MEMO1: variants seen among roughly 807,000 people sequenced by gnomAD.
MEMO1 encodes the protein mediator of cell motility 1.
A neutral mutation model predicts 45.2 loss-of-function variants in MEMO1; 6 were observed. That is an observed-to-expected ratio of 0.13 (90% CI 0.07 to 0.26). The LOEUF (loss-of-function observed/expected upper bound fraction) is 0.26. MEMO1 is among the 10% of genes least tolerant of loss of function. MEMO1 has a pLI of 1.00. For synonymous variants in MEMO1, 78 were observed against 124.3 expected (o/e 0.63, Z 2.48); for missense variants, 184 against 370.5 (o/e 0.50, Z 4.13).
chr2:31,886,376 G>GTCA (rs1676190381), intron 7 of MEMO1, among the ~76,000 whole-genome samples: 1 of 152,214 alleles, frequency 6.6e-6, no homozygotes, highest in South Asian at 2.1e-4. Context: ...GTAAATAGTT[G>GTCA]TCATCATCAT....
intron 4 of MEMO1, chr2:31,923,692 A>T (rs1275916484): frequency 6.5e-7 from 1 of 1,548,546 alleles, no homozygotes. Context: ...ATATGAAAAG[A>T]CAGAGAGAAA....
At chr2:31,893,225 C>T (rs748547416) in intron 6 of MEMO1, 1 of 565,698 alleles carries the variant, frequency 1.8e-6, no homozygotes, top group South Asian at 3.4e-5. Context: ...AGCACCTCCC[C>T]CATAAGGCCC....
At chr2:31,872,181 T>C (rs962865824) in intron 8 of MEMO1, among the ~76,000 whole-genome samples, 1 of 152,160 alleles carries the variant, frequency 6.6e-6, no homozygotes, top group African/African-American at 2.4e-5. Flanking sequence ...GATCAAGATA[T>C]AACTCCCCTA....
intron 2 of MEMO1, among the ~76,000 whole-genome samples, chr2:31,980,447 T>C (rs1042761475): frequency 6.6e-6 from 1 of 152,048 alleles, no homozygotes; most frequent in Non-Finnish European, 1.5e-5. Flanking sequence ...AAAATAAATA[T>C]ATAATTTTTA....
At chr2:31,949,913 C>A (rs992095373) in intron 2 of MEMO1, among the ~76,000 whole-genome samples, 46 of 151,724 alleles carry the variant, frequency 3.0e-4, no homozygotes, top group Non-Finnish European at 5.9e-4. Flanking sequence ...CTGCTATGTA[C>A]CCGCAAAAAA....
At position 31,883,414 on chromosome 2, in the gene MEMO1, T is replaced by A; in HGVS notation, c.629A>T (p.Tyr210Phe). 1 of 1,588,878 alleles carries A rather than the reference T, an allele frequency of 6.3e-7. No individual in the cohort carries two copies. The highest frequency in any genetic ancestry group is 8.5e-7 in the Non-Finnish European group (1 of 1,169,762). The change falls in exon 8 of 10, where the codon TAT becomes TTT. Residue 210 changes from tyrosine to phenylalanine, a missense_variant. Transcript: ENST00000404530. ...SYYDESQGEI[Y>F]RSIEHLDKMG... Reference sequence around the variant, plus strand: ...TTTATCTAGATGTTCAATGGATCTATAAATCTCCCCCTGGGATTCATCATA... The same window carrying A: ...TTTATCTAGATGTTCAATGGATCTAAAAATCTCCCCCTGGGATTCATCATA...
At chr2:31,907,995 G>C (rs571446347) in intron 6 of MEMO1, among the ~76,000 whole-genome samples, 177 of 152,196 alleles carry the variant, frequency 1.2e-3, no homozygotes, top group Non-Finnish European at 2.2e-3. Flanking sequence ...TTCTTCAGAA[G>C]GTGGTAAAGT....
chr2:31,968,291 A>C (rs994001876), intron 2 of MEMO1, among the ~76,000 whole-genome samples: 2 of 152,234 alleles, frequency 1.3e-5, no homozygotes, highest in African/African-American at 4.8e-5. Context: ...AATAGGATGC[A>C]TCTGCAGATC....
chr2:31,993,945 C>CTTTT (rs1558562652), intron 2 of MEMO1, among the ~76,000 whole-genome samples: 39 of 124,606 alleles, frequency 3.1e-4, no homozygotes, highest in African/African-American at 1.1e-3. Context: ...ATCATCAATA[C>CTTTT]TTTCTTTTTT....
intron 6 of MEMO1, among the ~76,000 whole-genome samples, chr2:31,894,932 A>G (rs1336824483): frequency 6.6e-6 from 1 of 152,262 alleles, no homozygotes; most frequent in East Asian, 1.9e-4. Context: ...TTTCTGGCTC[A>G]AGGTGTTTAG....
intron 6 of MEMO1, among the ~76,000 whole-genome samples, chr2:31,897,362 A>G (rs935986470): frequency 2.0e-5 from 3 of 152,208 alleles, no homozygotes; most frequent in African/African-American, 7.2e-5. Context: ...TCTGTCATAA[A>G]TAGCTCTTAT....
chr2:31,979,638 G>A (rs1217228007), intron 2 of MEMO1, among the ~76,000 whole-genome samples: 2 of 152,076 alleles, frequency 1.3e-5, no homozygotes, highest in East Asian at 3.9e-4. Flanking sequence ...CAAATGTTAT[G>A]TAATTTTAAT....
intron 8 of MEMO1, among the ~76,000 whole-genome samples, chr2:31,878,816 A>G (rs1202915865): frequency 1.3e-5 from 2 of 150,706 alleles, no homozygotes; most frequent in East Asian, 2.0e-4. Context: ...TAATGACGGG[A>G]AAATTTACAT....
In MEMO1 at chr2:32,001,601, T is replaced by C. The variant is rs146838385; in HGVS notation, c.61+8586A>G. 3.7e-3 allele frequency among the ~76,000 whole-genome samples: 568 copies of C among 152,198 alleles called. 5 individuals carry two copies. The highest frequency in any genetic ancestry group is 0.013 in the African/African-American group (559 of 41,544). On this transcript the variant is annotated intron_variant, in intron 2 of 9. Transcript: ENST00000404530. Reference sequence around the variant, plus strand: ...TTCAGCCAGAAGTCCTGGGTTCAAATCTTAGCTCTGCAGTTTACCAGTTAC... The same window carrying C: ...TTCAGCCAGAAGTCCTGGGTTCAAACCTTAGCTCTGCAGTTTACCAGTTAC...
At chr2:31,948,822 T>G (rs767819692) in intron 2 of MEMO1, among the ~76,000 whole-genome samples, 18 of 152,254 alleles carry the variant, frequency 1.2e-4, no homozygotes, top group Admixed American at 2.6e-4. Context: ...TGAGATAATC[T>G]AAATCCTTTA....
Position 31,991,526 on chromosome 2 carries a change from G to A in MEMO1, c.61+18661C>T, listed in dbSNP as rs868218553. On this transcript the variant is annotated intron_variant, in intron 2 of 9. Transcript: ENST00000404530. ...GTGGAGGTTGCAGTGAGCCAAGATC[G>A]CCCCATTGTACCCCAGCCTGGGCAA... Among the ~76,000 whole-genome samples the A allele has an allele frequency of 6.2e-5, 9 of 145,108 alleles. 1 individual carries two copies. In the South Asian group the frequency reaches 8.6e-4, roughly 14 times the overall value.
intron 2 of MEMO1, among the ~76,000 whole-genome samples, chr2:31,961,445 G>C (rs535941341): frequency 6.6e-6 from 1 of 151,632 alleles, no homozygotes; most frequent in South Asian, 2.1e-4. Context: ...CAATGTGTCA[G>C]GCACACTACT....
At chr2:31,909,960 GACAA>G (rs1360700304) in intron 6 of MEMO1, among the ~76,000 whole-genome samples, 1 of 151,778 alleles carries the variant, frequency 6.6e-6, no homozygotes, top group African/African-American at 2.4e-5. Context: ...AAAAACCAAA[GACAA>G]ACAAAAGATC....
intron 6 of MEMO1, among the ~76,000 whole-genome samples, chr2:31,913,248 CAAAAA>C (rs3065389): frequency 2.3e-5 from 1 of 44,424 alleles, no homozygotes; most frequent in Non-Finnish European, 4.8e-5. Context: ...GACTCCGTCT[CAAAAA>C]AAAAAAAAAA....
Sources: gnomAD v4.1 joint callset for allele counts (sites outside exome capture counted in the v4.1 genomes callset) on GRCh38, gnomAD v4.1.1 for gene constraint, MANE v1.5 for transcripts, NCBI Gene and HGNC (gene_info 2026-07-23, HGNC 2026-07-21) for gene names.